Variants in KCNJ3 observed in about 807,000 individuals in gnomAD.
KCNJ3 encodes potassium inwardly rectifying channel subfamily J member 3.
KCNJ3 carries 4 observed loss-of-function variants against 39.2 expected under a neutral mutation model. The ratio of observed to expected loss-of-function variants is 0.10; its 90% CI spans 0.05 to 0.23. The LOEUF (loss-of-function observed/expected upper bound fraction) is 0.23, where lower values mean the gene tolerates loss of function less well. Ranked by LOEUF, KCNJ3 falls within the 10% of genes least tolerant of loss-of-function variation. The probability of loss-of-function intolerance (pLI) is 1.00; values close to 1 mark genes in which losing one functional copy is unlikely to be tolerated. For synonymous variants in KCNJ3, 230 were observed against 237.4 expected, an observed-to-expected ratio of 0.97 and a Z score of 0.29; for missense variants, 276 against 634.9, an observed-to-expected ratio of 0.43 and a Z score of 6.08.
chr2:154,743,187 G>T (rs1330286113), intron 2 of KCNJ3, among the ~76,000 whole-genome samples: 1 of 151,698 alleles, frequency 6.6e-6, no homozygotes, highest in Non-Finnish European at 1.5e-5. Context: ...ATACATAAGA[G>T]TTTATTTCTG....
intron 2 of KCNJ3, among the ~76,000 whole-genome samples, chr2:154,717,145 G>A (rs917872652): frequency 6.6e-6 from 1 of 152,210 alleles, no homozygotes; most frequent in African/African-American, 2.4e-5. Context: ...CTCAGCAGGA[G>A]AGTAGAGGGA....
intron 2 of KCNJ3, among the ~76,000 whole-genome samples, chr2:154,790,163 C>G (rs901732369): frequency 6.0e-4 from 64 of 106,792 alleles, no homozygotes; most frequent in African/African-American, 1.5e-3. Flanking sequence ...CCAAAAATAG[C>G]ACAGTGTTCA....
chr2:154,773,561 T>C (rs530647568), intron 2 of KCNJ3, among the ~76,000 whole-genome samples: 3 of 152,164 alleles, frequency 2.0e-5, no homozygotes, highest in Non-Finnish European at 4.4e-5. Context: ...TCACTTGTTC[T>C]TCCACATGCC....
intron 2 of KCNJ3, among the ~76,000 whole-genome samples, chr2:154,835,598 A>G (rs1273609091): frequency 6.6e-6 from 1 of 151,674 alleles, no homozygotes; most frequent in African/African-American, 2.4e-5. Flanking sequence ...TTTCTTCACC[A>G]ATTATTATTT....
intron 2 of KCNJ3, among the ~76,000 whole-genome samples, chr2:154,815,049 T>C (rs1574472347): frequency 1.3e-5 from 2 of 152,322 alleles, no homozygotes; most frequent in Admixed American, 1.3e-4. Context: ...GTATACGGTA[T>C]GCTGAAAGTG....
intron 2 of KCNJ3, among the ~76,000 whole-genome samples, chr2:154,813,427 T>G (rs1687033687): frequency 6.6e-6 from 1 of 152,190 alleles, no homozygotes; most frequent in African/African-American, 2.4e-5. Context: ...AAAGTGGCCT[T>G]TCCATCCTCT....
intron 2 of KCNJ3, among the ~76,000 whole-genome samples, chr2:154,775,336 C>A (rs902910198): frequency 6.6e-6 from 1 of 152,038 alleles, no homozygotes; most frequent in Non-Finnish European, 1.5e-5. Flanking sequence ...AAAAAAAAAT[C>A]ATTTCAAAGA....
chr2:154,770,228 T>G (rs2105195494), intron 2 of KCNJ3, among the ~76,000 whole-genome samples: 1 of 152,312 alleles, frequency 6.6e-6, no homozygotes, highest in East Asian at 1.9e-4. Context: ...TAGCTTCCAT[T>G]TAACTGCCCT....
chr2:154,792,976 A>T (rs189939335), intron 2 of KCNJ3, among the ~76,000 whole-genome samples: 1 of 152,246 alleles, frequency 6.6e-6, no homozygotes, highest in African/African-American at 2.4e-5. Flanking sequence ...ATTTGAAAGA[A>T]AGGCCAGAGT....
At chr2:154,834,481 C>T (rs1452778225) in intron 2 of KCNJ3, among the ~76,000 whole-genome samples, 1 of 152,084 alleles carries the variant, frequency 6.6e-6, no homozygotes, top group Admixed American at 6.6e-5. Flanking sequence ...CCTGTAATCC[C>T]AGCACTTTGG....
intron 2 of KCNJ3, among the ~76,000 whole-genome samples, chr2:154,747,669 A>G (rs1389973541): frequency 6.6e-6 from 1 of 152,070 alleles, no homozygotes; most frequent in Non-Finnish European, 1.5e-5. Flanking sequence ...TTATTGCTTT[A>G]ATTTGAAAAA....
At chr2:154,715,993 A>G (rs969656094) in intron 2 of KCNJ3, among the ~76,000 whole-genome samples, 2 of 152,172 alleles carry the variant, frequency 1.3e-5, no homozygotes, top group African/African-American at 4.8e-5. Flanking sequence ...AAAGGCACAT[A>G]TATATCTGCT....
At chr2:154,845,643 T>C (rs1465391835) in intron 2 of KCNJ3, among the ~76,000 whole-genome samples, 2 of 152,162 alleles carry the variant, frequency 1.3e-5, no homozygotes, top group Non-Finnish European at 2.9e-5. Flanking sequence ...CTGGGACATT[T>C]CCACTGTTAG....
chr2:154,708,544 T>A (rs915033281), intron 1 of KCNJ3, among the ~76,000 whole-genome samples: 10 of 152,186 alleles, frequency 6.6e-5, no homozygotes, highest in African/African-American at 2.2e-4. Flanking sequence ...ACCAGCAGTA[T>A]GCTCCACCTT....
chr2:154,832,027 G>A (rs1687372121), intron 2 of KCNJ3, among the ~76,000 whole-genome samples: 1 of 152,096 alleles, frequency 6.6e-6, no homozygotes, highest in South Asian at 2.1e-4. Context: ...AGAGAGAGAG[G>A]GAAGGAGGTG....
intron 2 of KCNJ3, among the ~76,000 whole-genome samples, chr2:154,713,381 C>A (rs1685132523): frequency 6.6e-6 from 1 of 152,148 alleles, no homozygotes; most frequent in Non-Finnish European, 1.5e-5. Flanking sequence ...CCTACCCTAG[C>A]ACCCCTACCC....
At chr2:154,744,599 T>G (rs1382958552) in intron 2 of KCNJ3, among the ~76,000 whole-genome samples, 1 of 151,840 alleles carries the variant, frequency 6.6e-6, no homozygotes, top group Non-Finnish European at 1.5e-5. Flanking sequence ...GTTGTCAAAC[T>G]TATATATGTA....
chr2:154,741,964 C>T (rs891727294), intron 2 of KCNJ3, among the ~76,000 whole-genome samples: 7 of 151,702 alleles, frequency 4.6e-5, no homozygotes, highest in African/African-American at 1.7e-4. Flanking sequence ...GTGCAATCGT[C>T]ACTATCATCC....
At position 154,773,770 on chromosome 2, in the gene KCNJ3, A is replaced by T. The variant is rs1478972573; in HGVS notation, c.919+63951A>T. Among the ~76,000 whole-genome samples the T allele has an allele frequency of 3.3e-5, 5 of 152,304 alleles. No individual in the cohort carries two copies. In the East Asian group the frequency reaches 9.6e-4, roughly 29 times the overall value. Reference sequence around the variant, plus strand: ...AATTGATTGAATGTCTGATATTCACACTTGACGCATGTCTTAATATGTAAA... The same window carrying T: ...AATTGATTGAATGTCTGATATTCACTCTTGACGCATGTCTTAATATGTAAA... On this transcript the variant is annotated intron_variant, in intron 2 of 2. Coordinates refer to ENST00000295101, the MANE Select transcript of KCNJ3 (RefSeq NM_002239.4).
Sources: gnomAD v4.1 joint callset for allele counts (sites outside exome capture counted in the v4.1 genomes callset) on GRCh38, gnomAD v4.1.1 for gene constraint, MANE v1.5 for transcripts, NCBI Gene and HGNC (gene_info 2026-07-23, HGNC 2026-07-21) for gene names.